MCTP2: variants seen among roughly 807,000 people sequenced by gnomAD.
MCTP2 encodes multiple C2 and transmembrane domain-containing protein 2.
In MCTP2, 132 loss-of-function variants were observed where a neutral mutation model predicts 111.6. The observed-to-expected ratio is 1.18, with a 90% confidence interval of 1.03 to 1.37. MCTP2 has a LOEUF of 1.37. Ranked by LOEUF, MCTP2 falls within the 40% of genes most tolerant of loss-of-function variation. MCTP2 has a pLI of 0.00. For synonymous variants in MCTP2, 395 were observed against 387.7 expected, an observed-to-expected ratio of 1.02 and a Z score of -0.22; for missense variants, 1,183 against 1,067.9, an observed-to-expected ratio of 1.11 and a Z score of -1.50.
At chr15:94,319,530 C>T in intron 4 of MCTP2, among the ~76,000 whole-genome samples, 1 of 152,168 alleles carries the variant, frequency 6.6e-6, no homozygotes, top group East Asian at 1.9e-4. Flanking sequence ...GCGTTTCTAA[C>T]AAGTTCCCAG....
chr15:94,361,121 A>T (rs1298586133), intron 10 of MCTP2, among the ~76,000 whole-genome samples: 3 of 46,486 alleles, frequency 6.5e-5, no homozygotes, highest in Non-Finnish European at 1.3e-4. Flanking sequence ...TTTTTTTAAC[A>T]CATTTGCTTT....
intron 17 of MCTP2, among the ~76,000 whole-genome samples, chr15:94,429,564 C>T (rs573915164): frequency 6.6e-6 from 1 of 152,290 alleles, no homozygotes; most frequent in Admixed American, 6.5e-5. Context: ...AAGAATACAG[C>T]CATCTCCTAA....
chr15:94,339,702 C>G (rs1033214756), intron 5 of MCTP2, among the ~76,000 whole-genome samples: 1 of 152,150 alleles, frequency 6.6e-6, no homozygotes, highest in Non-Finnish European at 1.5e-5. Flanking sequence ...GCAGTGGTGA[C>G]AAGTACTAAA....
chr15:94,466,097 A>G (rs1351544644), intron 20 of MCTP2, among the ~76,000 whole-genome samples: 4 of 152,066 alleles, frequency 2.6e-5, no homozygotes, highest in Non-Finnish European at 5.9e-5. Context: ...TCAAAATTCT[A>G]CTTCATCAAT....
At chr15:94,418,757 G>A (rs1193208227) in intron 17 of MCTP2, among the ~76,000 whole-genome samples, 1 of 152,004 alleles carries the variant, frequency 6.6e-6, no homozygotes, top group Admixed American at 6.6e-5. Flanking sequence ...AAACATTAAA[G>A]GGATGGAATT....
intron 10 of MCTP2, among the ~76,000 whole-genome samples, chr15:94,364,516 T>C (rs2079089526): frequency 6.6e-6 from 1 of 152,200 alleles, no homozygotes; most frequent in Non-Finnish European, 1.5e-5. Flanking sequence ...GATTCTTCTT[T>C]TGAGATTTTT....
At chr15:94,358,674 G>C in intron 10 of MCTP2, 62 bp downstream of exon 10, 1 of 1,586,950 alleles carries the variant, frequency 6.3e-7, no homozygotes, top group South Asian at 1.1e-5. Context: ...GTTCTGAGAG[G>C]TGATCTTTAT....
At chr15:94,284,087 C>A (rs1277232582) in intron 1 of MCTP2, among the ~76,000 whole-genome samples, 1 of 152,104 alleles carries the variant, frequency 6.6e-6, no homozygotes, top group Non-Finnish European at 1.5e-5. Context: ...TTTGGCAATA[C>A]CTAGCTAGTC....
intron 17 of MCTP2, among the ~76,000 whole-genome samples, chr15:94,425,265 A>T (rs1166075067): frequency 1.3e-5 from 2 of 152,214 alleles, no homozygotes; most frequent in Non-Finnish European, 2.9e-5. Flanking sequence ...TCAAGTTTAC[A>T]TACATAGATG....
chr15:94,321,584 C>T (rs766130948), intron 4 of MCTP2, among the ~76,000 whole-genome samples: 4 of 152,324 alleles, frequency 2.6e-5, no homozygotes, highest in African/African-American at 7.2e-5. Context: ...TCAGCTCCCC[C>T]GTCATTGAAT....
intron 4 of MCTP2, among the ~76,000 whole-genome samples, chr15:94,338,150 A>T (rs1596397739): frequency 6.6e-6 from 1 of 152,228 alleles, no homozygotes; most frequent in African/African-American, 2.4e-5. Context: ...TCAGCAATTC[A>T]TTTCAATAAA....
chr15:94,324,244 C>T (rs1045691380), intron 4 of MCTP2, among the ~76,000 whole-genome samples: 3 of 152,228 alleles, frequency 2.0e-5, no homozygotes, highest in Non-Finnish European at 4.4e-5. Flanking sequence ...GGGCAGGTCT[C>T]TCGTCCTGTG....
intron 1 of MCTP2, among the ~76,000 whole-genome samples, chr15:94,287,518 C>G (rs1243410611): frequency 6.6e-6 from 1 of 152,170 alleles, no homozygotes; most frequent in African/African-American, 2.4e-5. Context: ...TGGTTGTGTA[C>G]TACTCACATA....
At chr15:94,302,312 A>G (rs1411216477) in intron 2 of MCTP2, among the ~76,000 whole-genome samples, 1 of 152,196 alleles carries the variant, frequency 6.6e-6, no homozygotes, top group African/African-American at 2.4e-5. Context: ...CAGGACCCCA[A>G]ATATCAGCAA....
At position 94,339,236 on chromosome 15, in the gene MCTP2, C is replaced by T. The variant is rs749238920; in HGVS notation, c.638-54C>T. On this transcript the variant is annotated intron_variant, in intron 4 of 22. Transcript: ENST00000357742. ...AAAGGATCTTTATTTAATGAAAGTC[C>T]CAGGCTTTTACATGTATTTTAAAAT... 3.4e-5 allele frequency: 47 copies of T among 1,364,588 alleles called. 1 individual carries two copies. Among genetic ancestry groups the T allele is most frequent in the African/African-American group, 7.3e-5 (5 of 68,264 alleles). 84.5% of individuals were successfully genotyped at this position (1,364,588 alleles called of 1,614,324 possible).
At position 94,440,171 on chromosome 15, in the gene MCTP2, A is replaced by G. The variant is rs146086781; in HGVS notation, c.2086-5A>G. 4.4e-5 allele frequency: 71 copies of G among 1,613,740 alleles called. No individual in the cohort carries two copies. The highest frequency in any genetic ancestry group is 1.1e-4 in the South Asian group (10 of 91,020). Reference sequence around the variant, plus strand: ...GTCGTGTATTCTTATTTGTCTTTCAATCAGGTATTTTTGATCACTGTCTGG... The same window carrying G: ...GTCGTGTATTCTTATTTGTCTTTCAGTCAGGTATTTTTGATCACTGTCTGG... On this transcript the variant is annotated splice_region_variant and splice_polypyrimidine_tract_variant and intron_variant, in intron 17 of 22. Transcript: ENST00000357742.
chr15:94,457,199 G>A (rs2084887930), intron 19 of MCTP2, among the ~76,000 whole-genome samples: 1 of 152,160 alleles, frequency 6.6e-6, no homozygotes, highest in Non-Finnish European at 1.5e-5. Flanking sequence ...GAAGTTGAGA[G>A]CTCATTGACT....
At chr15:94,285,622 A>G (rs2074714378) in intron 1 of MCTP2, among the ~76,000 whole-genome samples, 1 of 152,202 alleles carries the variant, frequency 6.6e-6, no homozygotes, top group Non-Finnish European at 1.5e-5. Context: ...AGTAACTGTA[A>G]ATATCTCATC....
Position 94,384,076 on chromosome 15 carries a change from A to G in MCTP2, c.1637A>G (p.His546Arg), listed in dbSNP as rs774675750. The G allele has an allele frequency of 1.9e-6, 3 of 1,613,992 alleles. No homozygotes were observed. The highest frequency in any genetic ancestry group is 1.1e-5 in the South Asian group (1 of 91,076). Residue 546 changes from histidine (H) to arginine (R), a missense_variant, in exon 13 of 23, where the codon CAT (histidine) becomes CGT (arginine). By Grantham distance (29) the His-to-Arg change is conservative (BLOSUM62 0). Transcript: ENST00000357742. Reference protein sequence around the residue: ...LELGNDRLQTHTVYKNLNPEW... With the variant: ...LELGNDRLQTRTVYKNLNPEW... ...TTAGGCAATGACCGACTTCAGACGC[A>G]TACCGTCTACAAAAACCTCAACCCT...
Sources: allele counts gnomAD v4.1 joint callset (sites outside exome capture counted in the v4.1 genomes callset), GRCh38; gene constraint gnomAD v4.1.1; transcripts MANE v1.5; gene names NCBI Gene and HGNC (gene_info 2026-07-23, HGNC 2026-07-21).